The following ACOXL variants were observed in gnomAD, a reference collection of about 807,000 sequenced individuals.
ACOXL encodes acyl-coenzyme A oxidase-like protein.
A neutral mutation model predicts 71.9 loss-of-function variants in ACOXL; 70 were observed. The ratio of observed to expected loss-of-function variants is 0.97; its 90% confidence interval spans 0.80 to 1.19. The LOEUF is 1.19. ACOXL is among the 50% of genes most tolerant of loss of function. ACOXL has a pLI of 0.00. For synonymous variants in ACOXL, 253 were observed against 281.6 expected (o/e 0.90, Z 1.02); for missense variants, 703 against 736.3 (o/e 0.95, Z 0.52).
chr2:110,859,619 G>A (rs1445611078), intron 10 of ACOXL, among the ~76,000 whole-genome samples: 3 of 152,194 alleles, frequency 2.0e-5, no homozygotes, highest in African/African-American at 4.8e-5. Flanking sequence ...GCATGGAGAG[G>A]GGCTTTGCCA....
At chr2:110,820,906 G>A (rs1204822189) in intron 9 of ACOXL, among the ~76,000 whole-genome samples, 1 of 152,082 alleles carries the variant, frequency 6.6e-6, no homozygotes, top group Non-Finnish European at 1.5e-5. Context: ...GGTGTAGGGA[G>A]GGAGACTGGG....
At chr2:110,892,927 G>A (rs755106311) in intron 10 of ACOXL, among the ~76,000 whole-genome samples, 2 of 152,172 alleles carry the variant, frequency 1.3e-5, no homozygotes, top group African/African-American at 2.4e-5. Context: ...TCAGCCTAGT[G>A]GCACTTGCTG....
intron 9 of ACOXL, among the ~76,000 whole-genome samples, chr2:110,808,648 TG>T (rs1686951230): frequency 6.6e-6 from 1 of 152,190 alleles, no homozygotes; most frequent in South Asian, 2.1e-4. Context: ...GGGGCTTACA[TG>T]TGCTACCATC....
intron 10 of ACOXL, among the ~76,000 whole-genome samples, chr2:110,853,994 C>A (rs1692941948): frequency 6.6e-6 from 1 of 150,772 alleles, no homozygotes; most frequent in South Asian, 2.1e-4. Context: ...CTTCCATGGA[C>A]TAAATGAGGG....
At chr2:110,935,562 C>T (rs2060630175) in intron 12 of ACOXL, among the ~76,000 whole-genome samples, 1 of 152,160 alleles carries the variant, frequency 6.6e-6, no homozygotes, top group Non-Finnish European at 1.5e-5. Flanking sequence ...GAAATAACCC[C>T]ACCCTGTTAG....
chr2:110,921,321 C>T (rs1478035860), intron 11 of ACOXL, among the ~76,000 whole-genome samples: 1 of 146,102 alleles, frequency 6.8e-6, no homozygotes, highest in Non-Finnish European at 1.5e-5. Context: ...ATCTTTATTT[C>T]TTTCCTTTTG....
chr2:111,089,799 A>G (rs772768414), intron 16 of ACOXL, among the ~76,000 whole-genome samples: 2 of 152,234 alleles, frequency 1.3e-5, no homozygotes, highest in Non-Finnish European at 2.9e-5. Context: ...CTTGCTTTGC[A>G]TGTAAAAGTA....
chr2:110,933,373 C>T (rs994064447), intron 11 of ACOXL, 116 bp from the exon 12 acceptor site: 6 of 1,281,736 alleles, frequency 4.7e-6, no homozygotes, highest in Non-Finnish European at 6.4e-6. Flanking sequence ...AAATCTGCAT[C>T]ACTGACATCA....
chr2:110,786,476 A>G (rs1683975828), intron 3 of ACOXL, among the ~76,000 whole-genome samples: 1 of 152,210 alleles, frequency 6.6e-6, no homozygotes, highest in South Asian at 2.1e-4. Flanking sequence ...GCTAGCTGAG[A>G]TGCAACAGAT....
At chr2:111,096,525 A>G (rs2068812489) in intron 17 of ACOXL, among the ~76,000 whole-genome samples, 1 of 152,024 alleles carries the variant, frequency 6.6e-6, no homozygotes, top group African/African-American at 2.4e-5. Flanking sequence ...ACAGGCAAAA[A>G]TTTGTTTTTA....
At chr2:111,042,671 G>A (rs1476267461) in intron 15 of ACOXL, among the ~76,000 whole-genome samples, 1 of 152,220 alleles carries the variant, frequency 6.6e-6, no homozygotes, top group Non-Finnish European at 1.5e-5. Context: ...TGGGTCGTGA[G>A]GTGTGCTGGA....
chr2:110,846,641 G>GCGCGCACACACACA (rs148602789), intron 10 of ACOXL, among the ~76,000 whole-genome samples: 65 of 138,030 alleles, frequency 4.7e-4, no homozygotes, highest in Non-Finnish European at 7.6e-4. Context: ...ATGCATACAC[G>GCGCGCACACACACA]CACACACACA....
chr2:110,749,935 G>A (rs879827730), intron 1 of ACOXL, among the ~76,000 whole-genome samples: 15 of 152,164 alleles, frequency 9.9e-5, no homozygotes, highest in Non-Finnish European at 1.9e-4. Flanking sequence ...TACTGGTCAG[G>A]TGTTTGTCAA....
At chr2:110,940,518 A>G (rs2060829733) in intron 12 of ACOXL, among the ~76,000 whole-genome samples, 2 of 152,352 alleles carry the variant, frequency 1.3e-5, no homozygotes, top group Non-Finnish European at 2.9e-5. Context: ...TCTCCTGAGC[A>G]TTGACACAGA....
intron 12 of ACOXL, among the ~76,000 whole-genome samples, chr2:110,967,356 A>G (rs978653656): frequency 6.6e-6 from 1 of 152,242 alleles, no homozygotes; most frequent in African/African-American, 2.4e-5. Flanking sequence ...AACAGAGAAG[A>G]CAAAAATGAA....
chr2:110,871,936 TCC>T (rs1695331394), intron 10 of ACOXL, among the ~76,000 whole-genome samples: 1 of 152,240 alleles, frequency 6.6e-6, no homozygotes, highest in African/African-American at 2.4e-5. Flanking sequence ...GTTTCAGTAA[TCC>T]ACCTCTGCGT....
At chr2:110,825,374 A>G (rs1328076315) in intron 9 of ACOXL, among the ~76,000 whole-genome samples, 4 of 152,030 alleles carry the variant, frequency 2.6e-5, no homozygotes, top group Admixed American at 6.5e-5. Context: ...CTCTACTTCA[A>G]ATTTGGACTC....
At chr2:110,770,395 C>T (rs2105013323) in intron 2 of ACOXL, among the ~76,000 whole-genome samples, 1 of 152,332 alleles carries the variant, frequency 6.6e-6, no homozygotes, top group African/African-American at 2.4e-5. Flanking sequence ...ATCCTGGAGT[C>T]TTCTCAGGAA....
intron 14 of ACOXL, among the ~76,000 whole-genome samples, chr2:111,017,175 C>G (rs568556547): frequency 6.6e-6 from 1 of 152,200 alleles, no homozygotes; most frequent in African/African-American, 2.4e-5. Context: ...TGGGGTGAGG[C>G]ATTACTGGAG....
Sources: gnomAD v4.1 joint callset for allele counts (sites outside exome capture counted in the v4.1 genomes callset) on GRCh38, gnomAD v4.1.1 for gene constraint, MANE v1.5 for transcripts, NCBI Gene and HGNC (gene_info 2026-07-23, HGNC 2026-07-21) for gene names.